Variants in SH3GL3 observed in about 807,000 individuals in gnomAD.
SH3GL3 encodes the protein SH3 domain containing GRB2 like 3, endophilin A3.
Under a neutral mutation model 47.7 loss-of-function variants are expected in SH3GL3, and 33 were observed. The ratio of observed to expected loss-of-function variants is 0.69; its 90% CI spans 0.52 to 0.92. The LOEUF is 0.92. Ranked by LOEUF, SH3GL3 falls within the 40% of genes least tolerant of loss-of-function variation. The pLI is 0.00. For synonymous variants in SH3GL3, 155 were observed against 148.8 expected, an observed-to-expected ratio of 1.04 and a Z score of -0.30; for missense variants, 363 against 417.8, an observed-to-expected ratio of 0.87 and a Z score of 1.14.
chr15:83,585,602 T>A (rs2059933843), intron 6 of SH3GL3, among the ~76,000 whole-genome samples: 1 of 152,204 alleles, frequency 6.6e-6, no homozygotes, highest in Non-Finnish European at 1.5e-5. Flanking sequence ...CTGGACTTAT[T>A]TAAAAGTACG....
At position 83,554,555 on chromosome 15, in the gene SH3GL3, T is replaced by G. The variant is rs528818153; in HGVS notation, c.46-4698T>G. On this transcript the variant is annotated intron_variant, in intron 1 of 8. Coordinates refer to ENST00000427482, the MANE Select transcript of SH3GL3 (RefSeq NM_003027.5). ...TTATTGCGCCACCACACCCGGCTAA[T>G]TTTTGTATTTTTAGTAGAGACAGGG... 3.3e-5 allele frequency among the ~76,000 whole-genome samples: 5 copies of G among 152,098 alleles called. No individual in the cohort carries two copies. In the South Asian group the frequency reaches 1.0e-3, roughly 32 times the overall value.
At chr15:83,617,929 A>G (rs2060870321) in intron 8 of SH3GL3, among the ~76,000 whole-genome samples, 153 bp from the exon 9 acceptor site, 2 of 152,174 alleles carry the variant, frequency 1.3e-5, no homozygotes. Context: ...GCCAGAGACC[A>G]CAAACGGCAC....
intron 1 of SH3GL3, among the ~76,000 whole-genome samples, chr15:83,494,058 T>C (rs1270041526): frequency 6.6e-6 from 1 of 152,168 alleles, no homozygotes; most frequent in East Asian, 1.9e-4. Context: ...GTTAGGGCAT[T>C]AGCCAAATGG....
intron 1 of SH3GL3, among the ~76,000 whole-genome samples, chr15:83,476,359 T>G (rs946375053): frequency 6.6e-6 from 1 of 152,260 alleles, no homozygotes; most frequent in African/African-American, 2.4e-5. Context: ...GAAATAAATC[T>G]GTTGCTAATT....
rs2060886115 is a variant in SH3GL3, at chr15:83,618,475, T to A, written c.*188T>A. 2.1e-6 allele frequency: 1 copy of A among 481,556 alleles called. No individual in the cohort carries two copies. Among genetic ancestry groups the A allele is most frequent in the Non-Finnish European group, 3.5e-6 (1 of 288,984 alleles). 29.8% of individuals were successfully genotyped at this position (481,556 alleles called of 1,614,324 possible). ...AAATGATTTTCTTGTCCTTGCTACATGAAAATATTTTCTTTTTTGCTTCCT... is the reference window on the plus strand; with the variant it reads ...AAATGATTTTCTTGTCCTTGCTACAAGAAAATATTTTCTTTTTTGCTTCCT... On this transcript the variant is annotated 3_prime_UTR_variant, in exon 9 of 9. Coordinates refer to ENST00000427482, the MANE Select transcript of SH3GL3 (RefSeq NM_003027.5).
At chr15:83,482,761 G>A (rs899723537) in intron 1 of SH3GL3, among the ~76,000 whole-genome samples, 1 of 152,042 alleles carries the variant, frequency 6.6e-6, no homozygotes, top group African/African-American at 2.4e-5. Context: ...CAGAGTGCTG[G>A]AATTACAAGC....
chr15:83,572,071 T>C (rs1048150469), intron 4 of SH3GL3, among the ~76,000 whole-genome samples: 1 of 152,196 alleles, frequency 6.6e-6, no homozygotes, highest in Non-Finnish European at 1.5e-5. Flanking sequence ...GCAGGGAGGC[T>C]TAGAACCTTC....
At chr15:83,571,501 G>T (rs868525104) in intron 4 of SH3GL3, among the ~76,000 whole-genome samples, 1 of 152,124 alleles carries the variant, frequency 6.6e-6, no homozygotes, top group African/African-American at 2.4e-5. Context: ...CACTGGGTCC[G>T]TATGGAGTCC....
intron 5 of SH3GL3, 60 bp from the exon 6 acceptor site, chr15:83,576,523 T>C (rs1190949440): frequency 4.1e-6 from 6 of 1,459,030 alleles, no homozygotes; most frequent in Non-Finnish European, 5.6e-6. Context: ...ATAGAAATAA[T>C]TTTTTGTGCC....
chr15:83,472,128 C>A (rs2040859654), intron 1 of SH3GL3, among the ~76,000 whole-genome samples: 1 of 152,248 alleles, frequency 6.6e-6, no homozygotes, highest in Admixed American at 6.5e-5. Context: ...AGGTGATCCG[C>A]CTGCCTCAGC....
downstream of SH3GL3, among the ~76,000 whole-genome samples, chr15:83,620,630 A>T (rs755435168): frequency 2.0e-5 from 3 of 152,214 alleles, no homozygotes; most frequent in Non-Finnish European, 4.4e-5. Context: ...CTATAAACAG[A>T]CATACTGTCA....
At chr15:83,573,998 A>G (rs1201249747) in intron 5 of SH3GL3, among the ~76,000 whole-genome samples, 2 of 152,224 alleles carry the variant, frequency 1.3e-5, no homozygotes, top group African/African-American at 2.4e-5. Flanking sequence ...AAGGCTTCTC[A>G]GAGGAGGAGA....
At chr15:83,569,923 T>G (rs1448353003) in intron 4 of SH3GL3, among the ~76,000 whole-genome samples, 3 of 152,216 alleles carry the variant, frequency 2.0e-5, no homozygotes, top group Non-Finnish European at 2.9e-5. Flanking sequence ...CTGTCTTGTA[T>G]GTTGATGAAG....
intron 1 of SH3GL3, among the ~76,000 whole-genome samples, chr15:83,551,342 C>T (rs1488047028): frequency 6.6e-6 from 1 of 152,114 alleles, no homozygotes; most frequent in African/African-American, 2.4e-5. Context: ...AGTAGCCACC[C>T]ATTTGTATTT....
At chr15:83,520,741 A>G (rs1180660436) in intron 1 of SH3GL3, among the ~76,000 whole-genome samples, 1 of 152,198 alleles carries the variant, frequency 6.6e-6, no homozygotes, top group East Asian at 1.9e-4. Flanking sequence ...CATTTAAAAT[A>G]GGCCTTTACT....
chr15:83,534,957 A>G (rs1322636484), intron 1 of SH3GL3, among the ~76,000 whole-genome samples: 1 of 152,210 alleles, frequency 6.6e-6, no homozygotes, highest in Non-Finnish European at 1.5e-5. Flanking sequence ...AAAGGTGGAA[A>G]GAATTGTCTC....
chr15:83,607,705 A>G (rs972891023), intron 8 of SH3GL3, among the ~76,000 whole-genome samples: 1 of 152,130 alleles, frequency 6.6e-6, no homozygotes, highest in Admixed American at 6.5e-5. Flanking sequence ...GTTGGCAACT[A>G]ATCCACATTG....
intron 1 of SH3GL3, among the ~76,000 whole-genome samples, chr15:83,552,953 A>T (rs2044742819): frequency 6.6e-6 from 1 of 152,272 alleles, no homozygotes; most frequent in South Asian, 2.1e-4. Context: ...CTCTATTCCT[A>T]TTAATGCTTT....
intron 1 of SH3GL3, among the ~76,000 whole-genome samples, chr15:83,449,446 A>T (rs2039625784): frequency 6.6e-6 from 1 of 152,208 alleles, no homozygotes; most frequent in African/African-American, 2.4e-5. Flanking sequence ...CTTCCTTAGC[A>T]CTGGCAGGAA....
Sources: gnomAD v4.1 joint callset for allele counts (sites outside exome capture counted in the v4.1 genomes callset) on GRCh38, gnomAD v4.1.1 for gene constraint, MANE v1.5 for transcripts, NCBI Gene and HGNC (gene_info 2026-07-23, HGNC 2026-07-21) for gene names.